Variants in HCN1 observed in about 807,000 individuals in gnomAD.
HCN1 encodes the protein hyperpolarization activated cyclic nucleotide gated potassium channel 1.
A neutral mutation model predicts 78.9 loss-of-function variants in HCN1; 13 were observed. That is an observed-to-expected ratio of 0.16 (90% CI 0.11 to 0.26). The LOEUF is 0.26. Ranked by LOEUF, HCN1 falls within the 10% of genes least tolerant of loss-of-function variation. The probability of loss-of-function intolerance (pLI) is 1.00; values close to 1 mark genes in which losing one functional copy is unlikely to be tolerated. For synonymous variants in HCN1, 552 were observed against 455.5 expected (o/e 1.21, Z -2.70); for missense variants, 810 against 1,154.3 (o/e 0.70, Z 4.32).
intron 6 of HCN1, among the ~76,000 whole-genome samples, chr5:45,273,351 G>T (rs186584247): frequency 6.6e-6 from 1 of 151,956 alleles, no homozygotes; most frequent in Non-Finnish European, 1.5e-5. Flanking sequence ...AATCCTTAAG[G>T]TATGAGATAT....
At chr5:45,674,537 G>C (rs1440231798) in intron 1 of HCN1, among the ~76,000 whole-genome samples, 1 of 151,678 alleles carries the variant, frequency 6.6e-6, no homozygotes, top group Non-Finnish European at 1.5e-5. Flanking sequence ...AATTACACAA[G>C]TATTAATATA....
At chr5:45,374,134 TATATACATATTATATATA>T (rs1363040002) in intron 4 of HCN1, among the ~76,000 whole-genome samples, 3 of 115,748 alleles carry the variant, frequency 2.6e-5, no homozygotes, top group African/African-American at 1.0e-4. Context: ...TAATATATAT[TATATACATATTATATATA>T]ATATACATTA....
At chr5:45,682,412 C>T (rs1488487778) in intron 1 of HCN1, among the ~76,000 whole-genome samples, 1 of 151,320 alleles carries the variant, frequency 6.6e-6, no homozygotes, top group Non-Finnish European at 1.5e-5. Context: ...ATGTATGTTT[C>T]TGTGAAGGAA....
At chr5:45,564,053 A>G (rs1034007730) in intron 2 of HCN1, among the ~76,000 whole-genome samples, 6 of 152,164 alleles carry the variant, frequency 3.9e-5, no homozygotes, top group African/African-American at 1.4e-4. Context: ...CTACATCCTC[A>G]GACCCAATCA....
chr5:45,606,978 T>G (rs1032922245), intron 2 of HCN1, among the ~76,000 whole-genome samples: 3 of 151,706 alleles, frequency 2.0e-5, no homozygotes, highest in Non-Finnish European at 2.9e-5. Context: ...AGCATCTGAT[T>G]TGAGATGTTA....
intron 6 of HCN1, among the ~76,000 whole-genome samples, chr5:45,291,630 C>T (rs1745378297): frequency 6.6e-6 from 1 of 151,968 alleles, no homozygotes; most frequent in African/African-American, 2.4e-5. Flanking sequence ...TTGCAACCTC[C>T]ATCTCCTCAA....
intron 5 of HCN1, among the ~76,000 whole-genome samples, chr5:45,348,632 C>G (rs960718320): frequency 1.3e-5 from 2 of 152,110 alleles, no homozygotes; most frequent in Non-Finnish European, 2.9e-5. Flanking sequence ...ATCTCATGTG[C>G]AGAGACACAC....
At chr5:45,643,813 T>C (rs1745498699) in intron 2 of HCN1, 1 of 152,128 alleles carries the variant, frequency 6.6e-6, no homozygotes, top group Non-Finnish European at 1.5e-5. Flanking sequence ...ATATTAGCAA[T>C]TATTAGCAAG....
chr5:45,478,432 G>A (rs559325547), intron 2 of HCN1, among the ~76,000 whole-genome samples: 17 of 152,186 alleles, frequency 1.1e-4, no homozygotes, highest in Non-Finnish European at 2.5e-4. Flanking sequence ...AGCAATGTCA[G>A]ATCAGTTAAC....
intron 2 of HCN1, chr5:45,560,101 G>A (rs566656652): frequency 2.0e-5 from 3 of 152,160 alleles, no homozygotes; most frequent in African/African-American, 4.8e-5. Flanking sequence ...TAGTGTACAC[G>A]TAACTTTTTT....
chr5:45,689,413 A>G (rs1483116524), intron 1 of HCN1, among the ~76,000 whole-genome samples: 2 of 152,142 alleles, frequency 1.3e-5, no homozygotes, highest in African/African-American at 4.8e-5. Context: ...GCATGGTTTA[A>G]ATTCCAGGGA....
At position 45,392,398 on chromosome 5, in the gene HCN1, T is replaced by C. The variant is rs563817934; in HGVS notation, c.1230+4094A>G. Among the ~76,000 whole-genome samples the C allele has an allele frequency of 1.9e-4, 29 of 152,304 alleles. 1 individual carries two copies. Among genetic ancestry groups the C allele is most frequent in the African/African-American group, 6.5e-4 (27 of 41,584 alleles). On this transcript the variant is annotated intron_variant, in intron 4 of 7. Transcript: ENST00000303230. ...AACAAAAACATTTGCCTGAGCTAAATAGGTTTAGAACATTATTTTTTGGTA... is the reference window on the plus strand; with the variant it reads ...AACAAAAACATTTGCCTGAGCTAAACAGGTTTAGAACATTATTTTTTGGTA...
intron 5 of HCN1, among the ~76,000 whole-genome samples, chr5:45,306,272 T>C (rs908556048): frequency 1.3e-5 from 2 of 152,030 alleles, no homozygotes; most frequent in Non-Finnish European, 2.9e-5. Context: ...TATGCAAATG[T>C]TTCACTTCAT....
At chr5:45,301,579 G>C (rs1319331837) in intron 6 of HCN1, among the ~76,000 whole-genome samples, 2 of 151,398 alleles carry the variant, frequency 1.3e-5, no homozygotes, top group South Asian at 2.1e-4. Flanking sequence ...TAGGAAAGCA[G>C]GGCATGGGGA....
intron 5 of HCN1, among the ~76,000 whole-genome samples, chr5:45,345,630 C>A: frequency 6.6e-6 from 1 of 152,190 alleles, no homozygotes; most frequent in East Asian, 1.9e-4. Context: ...ACAAGAGTCA[C>A]CTTTGCTCCA....
At chr5:45,436,428 G>A (rs2112082065) in intron 3 of HCN1, among the ~76,000 whole-genome samples, 1 of 152,206 alleles carries the variant, frequency 6.6e-6, no homozygotes, top group Non-Finnish European at 1.5e-5. Flanking sequence ...TACTTCATAT[G>A]GGAGGCTAAT....
At chr5:45,512,804 C>A (rs1352559047) in intron 2 of HCN1, among the ~76,000 whole-genome samples, 1 of 151,896 alleles carries the variant, frequency 6.6e-6, no homozygotes, top group Non-Finnish European at 1.5e-5. Flanking sequence ...CCAGTTGTAC[C>A]AACTTAAAGT....
At chr5:45,578,851 T>C (rs1183284204) in intron 2 of HCN1, among the ~76,000 whole-genome samples, 3 of 151,992 alleles carry the variant, frequency 2.0e-5, no homozygotes, top group African/African-American at 7.2e-5. Context: ...TTTTTAGTAT[T>C]CTCAGACTTG....
At chr5:45,464,335 A>G (rs1741224640) in intron 2 of HCN1, among the ~76,000 whole-genome samples, 1 of 152,136 alleles carries the variant, frequency 6.6e-6, no homozygotes, top group Admixed American at 6.6e-5. Context: ...GATTATGCCT[A>G]GATTCAAGCC....
Sources: allele counts gnomAD v4.1 joint callset (sites outside exome capture counted in the v4.1 genomes callset), GRCh38; gene constraint gnomAD v4.1.1; transcripts MANE v1.5; gene names NCBI Gene and HGNC (gene_info 2026-07-23, HGNC 2026-07-21).